TRAF5: variants seen among roughly 807,000 people sequenced by gnomAD.
The protein encoded by TRAF5 is TNF receptor associated factor 5.
TRAF5 carries 48 observed loss-of-function variants against 64.5 expected under a neutral mutation model. That is an observed-to-expected ratio of 0.74 (90% CI 0.59 to 0.95). TRAF5 has a LOEUF of 0.95. Ranked by LOEUF, TRAF5 falls within the 40% of genes least tolerant of loss-of-function variation. The pLI, the probability that TRAF5 is intolerant of heterozygous loss-of-function variation, is 0.00. For synonymous variants in TRAF5, 206 were observed against 240.5 expected (o/e 0.86, Z 1.33); for missense variants, 545 against 662.8 (o/e 0.82, Z 1.95).
chr1:211,370,378 AACACACACAC>A lies in TRAF5; in HGVS notation c.930+811_930+820del, dbSNP rs67207558. 6.0e-4 allele frequency among the ~76,000 whole-genome samples: 89 copies of A among 148,082 alleles called. 1 individual carries two copies. In the East Asian group the frequency reaches 7.2e-3, roughly 12 times the overall value. ...TACTTGGCCAGCACATTATACATTA[AACACACACAC>A]ACACACACACACACACACACACACC... On this transcript the variant is annotated intron_variant, in intron 9 of 10. Coordinates refer to ENST00000261464, the MANE Select transcript of TRAF5 (RefSeq NM_001033910.3).
chr1:211,361,190 A>C (rs762732049), intron 7 of TRAF5, 28 bp downstream of exon 7: 2 of 1,599,766 alleles, frequency 1.3e-6, no homozygotes, highest in South Asian at 1.1e-5. Flanking sequence ...GTTTCTGCCT[A>C]TACATTCTAC....
At chr1:211,356,173 T>C (rs1289543914) in intron 3 of TRAF5, among the ~76,000 whole-genome samples, 194 bp from the exon 4 acceptor site, 3 of 152,202 alleles carry the variant, frequency 2.0e-5, no homozygotes, top group African/African-American at 4.8e-5. Context: ...GTATGTTTAA[T>C]GGTTTGTCAA....
At chr1:211,346,334 C>T in intron 1 of TRAF5, 1 of 984,134 alleles carries the variant, frequency 1.0e-6, no homozygotes, top group Non-Finnish European at 1.2e-6. Flanking sequence ...ACGTCACAGC[C>T]TCTGCATTCT....
intron 1 of TRAF5, among the ~76,000 whole-genome samples, chr1:211,336,352 A>G (rs998921818): frequency 6.6e-6 from 1 of 152,150 alleles, no homozygotes; most frequent in Non-Finnish European, 1.5e-5. Flanking sequence ...GCTAGCTCAC[A>G]TTAGTGTGTC....
chr1:211,340,037 G>A (rs1214985953), intron 1 of TRAF5, among the ~76,000 whole-genome samples: 4 of 152,212 alleles, frequency 2.6e-5, no homozygotes, highest in Non-Finnish European at 5.9e-5. Context: ...TCATGCCACG[G>A]TTTCTAAATA....
In TRAF5 at chr1:211,372,059, CT is replaced by C. The variant is rs1469771351; in HGVS notation, c.1100-66del. On this transcript the variant is annotated intron_variant, in intron 10 of 10. Transcript: ENST00000261464. ...TTCTCTTTCAGGTAACAAAATTCCA[CT>C]TTGGGAAAATTTTAAAGATAACTTT... The C allele has an allele frequency of 2.9e-6, 4 of 1,403,054 alleles. No individual in the cohort carries two copies. The African/African-American group carries it at 5.8e-5, about 20-fold the overall frequency. 86.9% of individuals were successfully genotyped at this position (1,403,054 alleles called of 1,614,324 possible).
chr1:211,360,900 A>G (rs1703157078), intron 6 of TRAF5, 121 bp downstream of exon 6: 4 of 1,012,366 alleles, frequency 4.0e-6, no homozygotes, highest in Non-Finnish European at 6.0e-6. Flanking sequence ...ACGCATGACC[A>G]TGACGTATCT....
At chr1:211,368,383 T>G (rs1258001761) in intron 8 of TRAF5, among the ~76,000 whole-genome samples, 1 of 152,212 alleles carries the variant, frequency 6.6e-6, no homozygotes, top group Non-Finnish European at 1.5e-5. Context: ...TGCTGTTCAT[T>G]CATTTAACAA....
At chr1:211,337,147 A>G (rs1401143858) in intron 1 of TRAF5, among the ~76,000 whole-genome samples, 4 of 152,216 alleles carry the variant, frequency 2.6e-5, no homozygotes, top group African/African-American at 9.6e-5. Flanking sequence ...TGAACAAGTA[A>G]TATGTTAGGC....
intron 1 of TRAF5, among the ~76,000 whole-genome samples, chr1:211,339,400 A>G (rs1484668727): frequency 6.6e-6 from 1 of 152,218 alleles, no homozygotes; most frequent in East Asian, 1.9e-4. Flanking sequence ...GCCCTGCTTC[A>G]ACCAGAACAG....
chr1:211,361,852 A>G (rs1206087669), intron 7 of TRAF5, among the ~76,000 whole-genome samples: 1 of 151,632 alleles, frequency 6.6e-6, no homozygotes, highest in African/African-American at 2.4e-5. Flanking sequence ...ACCCGCCATC[A>G]TGCCTGGCTA....
At chr1:211,361,787 C>T (rs1385571970) in intron 7 of TRAF5, among the ~76,000 whole-genome samples, 1 of 145,250 alleles carries the variant, frequency 6.9e-6, no homozygotes, top group African/African-American at 2.5e-5. Context: ...ACCTCTGCAT[C>T]CTGGGTTCAA....
intron 8 of TRAF5, among the ~76,000 whole-genome samples, chr1:211,367,784 G>C (rs1703402785): frequency 6.6e-6 from 1 of 152,188 alleles, no homozygotes; most frequent in Admixed American, 6.5e-5. Context: ...TCCAGGGCCA[G>C]AGATCAAATG....
intron 6 of TRAF5, 80 bp downstream of exon 6, chr1:211,360,859 C>T (rs1703155244): frequency 1.5e-6 from 2 of 1,361,934 alleles, no homozygotes; most frequent in East Asian, 2.3e-5. Flanking sequence ...TTGATACAGT[C>T]CCAAAGATAA....
intron 1 of TRAF5, among the ~76,000 whole-genome samples, chr1:211,344,424 A>C (rs1025761298): frequency 5.9e-5 from 9 of 152,234 alleles, no homozygotes; most frequent in Non-Finnish European, 1.3e-4. Context: ...TCTGCCTCTA[A>C]GACATCAAAG....
At chr1:211,331,323 C>A (rs1318987939) in intron 1 of TRAF5, among the ~76,000 whole-genome samples, 1 of 152,222 alleles carries the variant, frequency 6.6e-6, no homozygotes, top group Non-Finnish European at 1.5e-5. Flanking sequence ...GTGTGGACTT[C>A]AGAATCTGGT....
At chr1:211,343,408 T>TA (rs969924518) in intron 1 of TRAF5, among the ~76,000 whole-genome samples, 1 of 151,914 alleles carries the variant, frequency 6.6e-6, no homozygotes, top group African/African-American at 2.4e-5. Flanking sequence ...TTCCTCATTT[T>TA]AAAAAAAGGG....
intron 1 of TRAF5, among the ~76,000 whole-genome samples, chr1:211,337,815 T>C (rs1297031135): frequency 6.6e-6 from 1 of 152,166 alleles, no homozygotes. Flanking sequence ...TGGTACCATT[T>C]CACTGAGATG....
intron 1 of TRAF5, 101 bp from the exon 2 acceptor site, chr1:211,353,138 A>G: frequency 8.8e-7 from 1 of 1,136,716 alleles, no homozygotes; most frequent in Non-Finnish European, 1.3e-6. Context: ...CATGTGAATG[A>G]TGTACACTAA....
Sources: allele counts gnomAD v4.1 joint callset (sites outside exome capture counted in the v4.1 genomes callset), GRCh38; gene constraint gnomAD v4.1.1; transcripts MANE v1.5; gene names NCBI Gene and HGNC (gene_info 2026-07-23, HGNC 2026-07-21).